The following ENO4 variants were observed in gnomAD, a reference collection of about 807,000 sequenced individuals.
The protein encoded by ENO4 is enolase 4.
In ENO4, 53 loss-of-function variants were observed where a neutral mutation model predicts 63.2. The ratio of observed to expected loss-of-function variants is 0.84; its 90% CI spans 0.67 to 1.05. The LOEUF is 1.05. Among genes scored for constraint, ENO4 ranks in the 50% least tolerant of loss-of-function variants. The pLI, the probability that ENO4 is intolerant of heterozygous loss-of-function variation, is 0.00. For synonymous variants in ENO4, 266 were observed against 283.8 expected, an observed-to-expected ratio of 0.94 and a Z score of 0.63; for missense variants, 719 against 772.0, an observed-to-expected ratio of 0.93 and a Z score of 0.81.
At chr10:116,890,140 T>C (rs1478068997) in intron 10 of ENO4, among the ~76,000 whole-genome samples, 3 of 142,286 alleles carry the variant, frequency 2.1e-5, no homozygotes, top group African/African-American at 8.3e-5. Context: ...TCAATGGGAA[T>C]TGTAATATAC....
intron 10 of ENO4, among the ~76,000 whole-genome samples, chr10:116,889,782 T>G (rs1465781861): frequency 6.6e-6 from 1 of 152,216 alleles, no homozygotes; most frequent in African/African-American, 2.4e-5. Flanking sequence ...TCCGAATCCG[T>G]TTCCATCTCC....
chr10:116,889,510 C>T (rs1847268477), intron 10 of ENO4, among the ~76,000 whole-genome samples: 1 of 152,100 alleles, frequency 6.6e-6, no homozygotes, highest in East Asian at 1.9e-4. Context: ...GCCTTAGAAT[C>T]CCAGTGGAAG....
At chr10:116,874,270 T>C in intron 10 of ENO4, 69 bp downstream of exon 10, 1 of 1,195,586 alleles carries the variant, frequency 8.4e-7, no homozygotes, top group Non-Finnish European at 1.1e-6. Flanking sequence ...ACTCACCTTT[T>C]ATATTTTATA....
chr10:116,905,960 C>A (rs1847953178), intron 10 of ENO4, among the ~76,000 whole-genome samples: 1 of 152,202 alleles, frequency 6.6e-6, no homozygotes, highest in African/African-American at 2.4e-5. Context: ...TCCAGACTCG[C>A]TCAGATGGTA....
chr10:116,872,345 C>T (rs1420183048), intron 9 of ENO4, among the ~76,000 whole-genome samples: 2 of 151,960 alleles, frequency 1.3e-5, no homozygotes, highest in African/African-American at 2.4e-5. Flanking sequence ...TGGCTGTGTC[C>T]CCACCCAATT....
chr10:116,857,518 T>C (rs536462623), intron 3 of ENO4, among the ~76,000 whole-genome samples: 1 of 152,358 alleles, frequency 6.6e-6, no homozygotes, highest in Admixed American at 6.5e-5. Context: ...GCAGGTCCAA[T>C]GCCACAACCC....
intron 9 of ENO4, among the ~76,000 whole-genome samples, chr10:116,873,355 A>G (rs1386155075): frequency 6.6e-6 from 1 of 152,174 alleles, no homozygotes; most frequent in Non-Finnish European, 1.5e-5. Flanking sequence ...TCCCAGTGCC[A>G]AAATATCCCA....
intron 10 of ENO4, chr10:116,902,082 G>A: frequency 1.3e-6 from 1 of 797,444 alleles, no homozygotes; most frequent in Non-Finnish European, 1.9e-6. Context: ...AAAATTTCAA[G>A]AGCATGCTGG....
intron 10 of ENO4, among the ~76,000 whole-genome samples, chr10:116,889,984 A>G (rs1266886739): frequency 6.6e-6 from 1 of 151,964 alleles, no homozygotes; most frequent in Non-Finnish European, 1.5e-5. Context: ...CTTCATTCCT[A>G]TCGTATGGGA....
chr10:116,873,723 C>A, intron 9 of ENO4: 1 of 214,764 alleles, frequency 4.7e-6, no homozygotes, highest in Non-Finnish European at 8.0e-6. Flanking sequence ...GTTAGCATTG[C>A]TATTCTGCTT....
downstream of ENO4, among the ~76,000 whole-genome samples, chr10:116,912,305 C>G (rs1429326626): frequency 6.6e-6 from 1 of 152,180 alleles, no homozygotes; most frequent in African/African-American, 2.4e-5. Context: ...GCTCCACCAG[C>G]TATGGGAGGA....
At position 116,850,551 on chromosome 10, in the gene ENO4, C is replaced by T. The variant is rs779312178; in HGVS notation, c.165+820C>T. 2.6e-5 allele frequency among the ~76,000 whole-genome samples: 4 copies of T among 152,016 alleles called. No individual in the cohort carries two copies. In the East Asian group the frequency reaches 5.8e-4, roughly 22 times the overall value. ...TGGCTGGGGCCCCTAGGAGTTTGCA[C>T]TATGGCAAGGCAAAGCAAGGAGGCA... On this transcript the variant is annotated intron_variant, in intron 1 of 13. Transcript: ENST00000341276.
At chr10:116,883,244 CTACTTA>C (rs1847073378), downstream of ENO4, 1 of 152,112 alleles carries the variant, frequency 6.6e-6, no homozygotes, top group Non-Finnish European at 1.5e-5. Context: ...GGCACTCTTT[CTACTTA>C]TACTTTCTCT....
At chr10:116,901,169 G>C in intron 10 of ENO4, 1 of 985,340 alleles carries the variant, frequency 1.0e-6, no homozygotes. Flanking sequence ...AAAAAGAGCT[G>C]CCATTGTTAT....
downstream of ENO4, chr10:116,886,666 C>A: frequency 6.6e-7 from 1 of 1,509,434 alleles, no homozygotes; most frequent in Non-Finnish European, 9.0e-7. Flanking sequence ...CCAAAATGTT[C>A]TAAGTCTAAT....
chr10:116,878,998 C>T (rs1846921080), intron 11 of ENO4, among the ~76,000 whole-genome samples: 1 of 152,124 alleles, frequency 6.6e-6, no homozygotes, highest in African/African-American at 2.4e-5. Context: ...CTGCCTTGGC[C>T]TCCCAAAGTG....
intron 9 of ENO4, among the ~76,000 whole-genome samples, chr10:116,871,912 G>C (rs538391541): frequency 6.6e-6 from 1 of 152,292 alleles, no homozygotes; most frequent in South Asian, 2.1e-4. Context: ...AAACATCCTA[G>C]TTGGTGGGGC....
In ENO4 at chr10:116,876,123, C is replaced by A; in HGVS notation, c.1400C>A (p.Ala467Glu). 6.4e-7 allele frequency: 1 copy of A among 1,550,874 alleles called. No homozygotes were observed. The highest frequency in any genetic ancestry group is 8.7e-7 in the Non-Finnish European group (1 of 1,146,994). Residue 467 changes from alanine (A) to glutamate (E), a missense_variant, in exon 11 of 14, where the codon GCA becomes GAA. This residue lies in a region of ENO4 where 544 missense variants were observed against 583.6 expected (regional missense o/e 0.93). Transcript: ENST00000341276. ...CTTGGTTCCAGGTGTTACATAATTG[C>A]AGGAACTGCTTCCAAAAGCATTTCT... is the stretch of plus-strand genomic sequence containing the variant. ...HALGSRCYII[A>E]GTASKSISKL...
intron 10 of ENO4, among the ~76,000 whole-genome samples, chr10:116,892,661 A>C (rs1847374666): frequency 6.6e-6 from 1 of 152,122 alleles, no homozygotes; most frequent in Non-Finnish European, 1.5e-5. Flanking sequence ...TATTTTTAAA[A>C]CTCTCTTTTA....
Sources: allele counts gnomAD v4.1 joint callset (sites outside exome capture counted in the v4.1 genomes callset), GRCh38; gene constraint gnomAD v4.1.1; regional missense constraint gnomAD v4.1.1; transcripts MANE v1.5; gene names NCBI Gene and HGNC (gene_info 2026-07-23, HGNC 2026-07-21).